MTA3: variants seen among roughly 807,000 people sequenced by gnomAD.
MTA3 encodes the protein metastasis-associated protein MTA3.
MTA3 carries 34 observed loss-of-function variants against 83.5 expected under a neutral mutation model. The observed-to-expected ratio is 0.41, with a 90% CI of 0.31 to 0.54. The LOEUF (loss-of-function observed/expected upper bound fraction) is 0.54. Ranked by LOEUF, MTA3 falls within the 20% of genes least tolerant of loss-of-function variation. MTA3 has a pLI of 0.33. For missense variants in MTA3, 761 were observed against 726.4 expected (o/e 1.05, Z -0.55); for synonymous variants, 303 against 252.7 (o/e 1.20, Z -1.89).
intron 16 of MTA3, among the ~76,000 whole-genome samples, chr2:42,749,430 C>G (rs1669695997): frequency 6.6e-6 from 1 of 152,066 alleles, no homozygotes; most frequent in African/African-American, 2.4e-5. Flanking sequence ...TTTGGTTGCT[C>G]TCTAGTACTT....
In MTA3 at chr2:42,664,466, C is replaced by CTTTTTTT. The variant is rs35633597; in HGVS notation, c.702+4626_702+4632dup. Among the ~76,000 whole-genome samples the CTTTTTTT allele has an allele frequency of 2.4e-4, 21 of 85,746 alleles. 9 individuals carry two copies. The highest frequency in any genetic ancestry group is 6.0e-4 in the Admixed American group (4 of 6,698). 56.3% of individuals were successfully genotyped at this position (85,746 alleles called of 152,430 possible). On this transcript the variant is annotated intron_variant, in intron 8 of 16. Coordinates refer to ENST00000405094, the MANE Select transcript of MTA3 (RefSeq NM_001330442.2). ...CCTACTACCCCCTCACCCCGCTTACCTTTTTTTTTTTTTTTTTTTTTTTTT... is the reference window on the plus strand; with the variant it reads ...CCTACTACCCCCTCACCCCGCTTACCTTTTTTTTTTTTTTTTTTTTTTTTTTTTTTTT...
intron 4 of MTA3, among the ~76,000 whole-genome samples, chr2:42,621,728 C>G (rs1356973735): frequency 6.6e-6 from 1 of 150,406 alleles, no homozygotes; most frequent in Non-Finnish European, 1.5e-5. Flanking sequence ...GGGCTCCTCA[C>G]TTCTCAGACG....
At chr2:42,527,120 C>A (rs532053791) in intron 2 of MTA3, among the ~76,000 whole-genome samples, 1 of 150,838 alleles carries the variant, frequency 6.6e-6, no homozygotes, top group Non-Finnish European at 1.5e-5. Flanking sequence ...CAAATGTACT[C>A]CGAGTTTCCA....
intron 16 of MTA3, among the ~76,000 whole-genome samples, chr2:42,744,971 T>C (rs1466699549): frequency 1.3e-5 from 2 of 152,194 alleles, no homozygotes; most frequent in Non-Finnish European, 2.9e-5. Context: ...TCTAGTTGAT[T>C]TGGAAACCTC....
rs1678340873 is a variant in MTA3 at position 42,570,467 on chromosome 2, A to G, written c.59A>G (p.Asn20Ser). The change falls in exon 2 of 17, where the codon AAC becomes AGC. Residue 20 changes from asparagine (N) to serine (S), a missense_variant. Coordinates refer to ENST00000405094, the MANE Select transcript of MTA3 (RefSeq NM_001330442.2). ...GTCTACTTTGAGAATTCCTCCAGCA[A>G]CCCATACCTAATAAGAAGGATAGAA... ...DYVYFENSSS[N>S]PYLIRRIEEL... 2 of 1,546,378 alleles carry G rather than the reference A, an allele frequency of 1.3e-6. No homozygotes were observed. The highest frequency in any genetic ancestry group is 1.4e-5 in the African/African-American group (1 of 73,278).
chr2:42,582,797 G>C (rs1679820781), intron 3 of MTA3, among the ~76,000 whole-genome samples: 1 of 152,172 alleles, frequency 6.6e-6, no homozygotes, highest in African/African-American at 2.4e-5. Flanking sequence ...TGATTAGCCT[G>C]TTGGTATTAA....
In MTA3 at chr2:42,753,615, T is replaced by C. The variant is rs1033507194; in HGVS notation, c.*216T>C. On this transcript the variant is annotated 3_prime_UTR_variant, in exon 17 of 17. Coordinates refer to ENST00000405094, the MANE Select transcript of MTA3 (RefSeq NM_001330442.2). The stretch of plus-strand genomic sequence containing the variant: ...TGTGGATCAGCAGCACCTCGCTTTC[T>C]TGTCAGAGACCTCGCTGTTACGGAG... 6.6e-6 allele frequency: 9 copies of C among 1,368,644 alleles called. No individual in the cohort carries two copies. The African/African-American group carries it at 1.0e-4, about 16-fold the overall frequency. 84.8% of individuals were successfully genotyped at this position (1,368,644 alleles called of 1,614,324 possible).
At chr2:42,696,298 G>A (rs907114292) in intron 10 of MTA3, among the ~76,000 whole-genome samples, 1 of 152,156 alleles carries the variant, frequency 6.6e-6, no homozygotes, top group Non-Finnish European at 1.5e-5. Flanking sequence ...GACCTTAAAT[G>A]TAGTAGTCTT....
intron 2 of MTA3, among the ~76,000 whole-genome samples, chr2:42,526,023 T>G (rs1290650890): frequency 1.3e-5 from 2 of 152,058 alleles, no homozygotes; most frequent in East Asian, 1.9e-4. Flanking sequence ...ATGCCTTCCT[T>G]GGAATCCAGA....
chr2:42,653,229 T>C (rs1688873052), intron 6 of MTA3, among the ~76,000 whole-genome samples: 1 of 152,152 alleles, frequency 6.6e-6, no homozygotes, highest in Non-Finnish European at 1.5e-5. Context: ...GAGATCGTCA[T>C]GGTCTGTGTT....
chr2:42,727,956 C>G (rs747131874), intron 16 of MTA3, among the ~76,000 whole-genome samples: 6 of 152,128 alleles, frequency 3.9e-5, no homozygotes, highest in Non-Finnish European at 7.3e-5. Context: ...TGGTCACAGA[C>G]AGTGCAATTT....
chr2:42,498,469 G>T (rs887104831), intron 2 of MTA3, among the ~76,000 whole-genome samples: 2 of 152,200 alleles, frequency 1.3e-5, no homozygotes, highest in Non-Finnish European at 2.9e-5. Flanking sequence ...GAAATAACAG[G>T]TTGGGTTTTA....
intron 16 of MTA3, among the ~76,000 whole-genome samples, chr2:42,753,158 G>A (rs921975926): frequency 6.6e-6 from 1 of 152,146 alleles, no homozygotes; most frequent in Non-Finnish European, 1.5e-5. Context: ...TGAACTTCTG[G>A]CCTCAAGCCA....
chr2:42,623,096 A>G (rs1006055415), intron 4 of MTA3, among the ~76,000 whole-genome samples: 2 of 152,190 alleles, frequency 1.3e-5, no homozygotes, highest in African/African-American at 4.8e-5. Flanking sequence ...TGGGTGGTAT[A>G]TGGTGGGCGT....
intron 2 of MTA3, among the ~76,000 whole-genome samples, chr2:42,514,319 T>A (rs1197258869): frequency 2.6e-5 from 4 of 152,208 alleles, no homozygotes; most frequent in Non-Finnish European, 5.9e-5. Flanking sequence ...ACTATTTATA[T>A]GATGCTTGTA....
chr2:42,548,992 T>C (rs1230949225), intron 2 of MTA3, among the ~76,000 whole-genome samples: 9 of 132,102 alleles, frequency 6.8e-5, no homozygotes, highest in Admixed American at 6.4e-4. Context: ...GTGACCAACA[T>C]GGAGAAACCC....
intron 2 of MTA3, among the ~76,000 whole-genome samples, chr2:42,504,510 G>C (rs547979859): frequency 1.8e-4 from 28 of 152,274 alleles, no homozygotes; most frequent in Admixed American, 1.7e-3. Context: ...CAAAGTGCTG[G>C]GATCACAGGG....
chr2:42,603,738 G>A (rs990834324), intron 3 of MTA3, among the ~76,000 whole-genome samples: 2 of 152,104 alleles, frequency 1.3e-5, no homozygotes, highest in African/African-American at 4.8e-5. Flanking sequence ...GGTCTATGAG[G>A]TCAACACAAT....
At chr2:42,725,754 G>A (rs1192646131) in intron 16 of MTA3, among the ~76,000 whole-genome samples, 1 of 152,182 alleles carries the variant, frequency 6.6e-6, no homozygotes, top group Non-Finnish European at 1.5e-5. Context: ...GGACAGGACC[G>A]AGCAGTTCCT....
Sources: gnomAD v4.1 joint callset for allele counts (sites outside exome capture counted in the v4.1 genomes callset) on GRCh38, gnomAD v4.1.1 for gene constraint, MANE v1.5 for transcripts, NCBI Gene and HGNC (gene_info 2026-07-23, HGNC 2026-07-21) for gene names.